HSF5: variants seen among roughly 807,000 people sequenced by gnomAD.
HSF5 encodes heat shock transcription factor 5.
A neutral mutation model predicts 50.8 loss-of-function variants in HSF5; 5 were observed. That is an observed-to-expected ratio of 0.10 (90% CI 0.05 to 0.21). The LOEUF (loss-of-function observed/expected upper bound fraction) is 0.21, where lower values mean the gene tolerates loss of function less well. Ranked by LOEUF, HSF5 falls within the 10% of genes least tolerant of loss-of-function variation. HSF5 has a pLI of 1.00. For synonymous variants in HSF5, 307 were observed against 307.4 expected (o/e 1.00, Z 0.02); for missense variants, 564 against 762.6 (o/e 0.74, Z 3.07).
chr17:58,484,451 CAGAGA>C (rs1217164078), intron 1 of HSF5, among the ~76,000 whole-genome samples: 1 of 152,160 alleles, frequency 6.6e-6, no homozygotes, highest in Non-Finnish European at 1.5e-5. Context: ...GGTAAAAGGT[CAGAGA>C]AGAGAAAAGA....
intron 5 of HSF5, among the ~76,000 whole-genome samples, chr17:58,427,541 AT>A (rs2143725395): frequency 6.6e-6 from 1 of 152,282 alleles, no homozygotes; most frequent in African/African-American, 2.4e-5. Flanking sequence ...TCTTATATTC[AT>A]CATAAATAAT....
intron 2 of HSF5, among the ~76,000 whole-genome samples, chr17:58,469,249 T>G (rs1011681302): frequency 3.9e-5 from 6 of 152,092 alleles, no homozygotes; most frequent in African/African-American, 1.4e-4. Flanking sequence ...AATAAAAGGA[T>G]TAGCTTTATT....
chr17:58,432,046 C>T (rs1420359403), intron 5 of HSF5, among the ~76,000 whole-genome samples: 1 of 152,094 alleles, frequency 6.6e-6, no homozygotes, highest in Admixed American at 6.6e-5. Flanking sequence ...CTGAACTGTA[C>T]ATTTTCAAAT....
chr17:58,448,536 A>G (rs946772163), intron 5 of HSF5, among the ~76,000 whole-genome samples: 5 of 152,196 alleles, frequency 3.3e-5, no homozygotes, highest in Non-Finnish European at 7.4e-5. Context: ...CTGGCAGCAG[A>G]CTTCTCAGCA....
rs1347460637 is a variant in HSF5 at position 58,421,179 on chromosome 17, A to T, written c.*1181T>A. On this transcript the variant is annotated 3_prime_UTR_variant, in exon 6 of 6. Coordinates refer to ENST00000323777, the MANE Select transcript of HSF5 (RefSeq NM_001080439.3). ...CATCCAAGACATCCTTCTCTCCTAA[A>T]ACACAGTCCCACAATCCTACTGCAC... 1 of 152,542 alleles carries T rather than the reference A, an allele frequency of 6.6e-6. No individual in the cohort carries two copies. Among genetic ancestry groups the T allele is most frequent in the Non-Finnish European group, 1.5e-5 (1 of 68,032 alleles). 9.4% of individuals were successfully genotyped at this position (152,542 alleles called of 1,614,324 possible).
intron 1 of HSF5, among the ~76,000 whole-genome samples, chr17:58,486,851 AC>A (rs1975188234): frequency 6.7e-6 from 1 of 150,092 alleles, no homozygotes; most frequent in African/African-American, 2.5e-5. Flanking sequence ...CACTGCAGGC[AC>A]CTTTTCCAAA....
intron 3 of HSF5, 90 bp downstream of exon 3, chr17:58,466,795 C>T: frequency 1.3e-6 from 1 of 758,770 alleles, no homozygotes; most frequent in Non-Finnish European, 2.4e-6. Flanking sequence ...TCTGGTTACT[C>T]ATTAATATAA....
At chr17:58,467,485 T>C (rs1974883727) in intron 2 of HSF5, among the ~76,000 whole-genome samples, 1 of 152,238 alleles carries the variant, frequency 6.6e-6, no homozygotes, top group African/African-American at 2.4e-5. Flanking sequence ...TGGTCAGGAA[T>C]GCAGATCACA....
intron 2 of HSF5, among the ~76,000 whole-genome samples, chr17:58,479,439 A>G (rs920121848): frequency 6.6e-6 from 1 of 151,990 alleles, no homozygotes; most frequent in Non-Finnish European, 1.5e-5. Context: ...AGTAGCTGGG[A>G]TTACAGGCGC....
Position 58,462,780 on chromosome 17 carries a change from A to C in HSF5, c.1542+2T>G. The C allele has an allele frequency of 6.3e-7, 1 of 1,590,030 alleles. No homozygotes were observed. The highest frequency in any genetic ancestry group is 8.6e-7 in the Non-Finnish European group (1 of 1,169,132). ...TAAGCATTTTTTTCTTTGCCCCCTTACCTGGTGTGTGCTGAATGGTGGCCC... is the reference window on the plus strand; with the variant it reads ...TAAGCATTTTTTTCTTTGCCCCCTTCCCTGGTGTGTGCTGAATGGTGGCCC... On this transcript the variant is annotated splice_donor_variant, in intron 4 of 5. Transcript: ENST00000323777. LOFTEE classifies it high-confidence loss of function.
intron 5 of HSF5, among the ~76,000 whole-genome samples, chr17:58,424,141 A>T (rs1307893154): frequency 6.6e-6 from 1 of 152,202 alleles, no homozygotes; most frequent in Non-Finnish European, 1.5e-5. Flanking sequence ...GTGGAAGGAG[A>T]GTTTATCAGT....
intron 5 of HSF5, among the ~76,000 whole-genome samples, chr17:58,425,768 G>C (rs1329868008): frequency 1.3e-5 from 2 of 152,126 alleles, no homozygotes; most frequent in African/African-American, 2.4e-5. Context: ...ATCCTGAGTA[G>C]TTAGTAGATA....
intron 5 of HSF5, among the ~76,000 whole-genome samples, chr17:58,456,139 GTATA>G (rs1209600462): frequency 2.1e-5 from 3 of 141,038 alleles, no homozygotes; most frequent in Non-Finnish European, 4.6e-5. Flanking sequence ...ATGTGTGTGT[GTATA>G]TATATATATG....
At chr17:58,462,138 A>G (rs1057375660) in intron 4 of HSF5, among the ~76,000 whole-genome samples, 8 of 152,160 alleles carry the variant, frequency 5.3e-5, no homozygotes, top group African/African-American at 1.9e-4. Context: ...GTGCTATTTG[A>G]CTTTGTTTCT....
intron 3 of HSF5, among the ~76,000 whole-genome samples, chr17:58,463,586 C>G (rs553057419): frequency 6.6e-6 from 1 of 152,272 alleles, no homozygotes; most frequent in Admixed American, 6.5e-5. Context: ...CTATAGTACC[C>G]AAATACCTAT....
At position 58,421,506 on chromosome 17, in the gene HSF5, T is replaced by C. The variant is rs1295067042; in HGVS notation, c.*854A>G. On this transcript the variant is annotated 3_prime_UTR_variant, in exon 6 of 6. Coordinates refer to ENST00000323777, the MANE Select transcript of HSF5 (RefSeq NM_001080439.3). The stretch of plus-strand genomic sequence containing the variant: ...AAATAAAAATACTACACATGCATCC[T>C]TTATCCTTCTATCCTGCAATAATAA... 3 of 152,284 alleles carry C rather than the reference T, an allele frequency of 2.0e-5. No homozygotes were observed. The highest frequency in any genetic ancestry group is 4.4e-5 in the Non-Finnish European group (3 of 68,020). The allele number at this position is 152,284 out of a possible 1,614,324, so 9.4% of individuals were successfully genotyped here.
chr17:58,445,317 C>T (rs1163700219), intron 5 of HSF5, among the ~76,000 whole-genome samples: 2 of 152,176 alleles, frequency 1.3e-5, no homozygotes, highest in African/African-American at 2.4e-5. Context: ...CGGTGGCACA[C>T]GCCTGTAGTC....
intron 5 of HSF5, among the ~76,000 whole-genome samples, chr17:58,437,535 C>T (rs1045701024): frequency 6.6e-6 from 1 of 152,148 alleles, no homozygotes; most frequent in African/African-American, 2.4e-5. Flanking sequence ...CATACCCCTG[C>T]ACCCATACAT....
intron 5 of HSF5, among the ~76,000 whole-genome samples, chr17:58,444,736 G>A (rs557938401): frequency 6.1e-4 from 93 of 152,226 alleles, no homozygotes; most frequent in African/African-American, 2.2e-3. Flanking sequence ...ATAGACAGAT[G>A]GGACTACATC....
Sources: gnomAD v4.1 joint callset for allele counts (sites outside exome capture counted in the v4.1 genomes callset) on GRCh38, gnomAD v4.1.1 for gene constraint, MANE v1.5 for transcripts, NCBI Gene and HGNC (gene_info 2026-07-23, HGNC 2026-07-21) for gene names.